The following SPSB1 variants were observed in gnomAD, a reference collection of about 807,000 sequenced individuals.
The protein encoded by SPSB1 is splA/ryanodine receptor domain and SOCS box containing 1.
Under a neutral mutation model 21.2 loss-of-function variants are expected in SPSB1, and 8 were observed. The ratio of observed to expected loss-of-function variants is 0.38; its 90% CI spans 0.22 to 0.68. The LOEUF is 0.68. Ranked by LOEUF, SPSB1 falls within the 30% of genes least tolerant of loss-of-function variation. SPSB1 has a pLI of 0.53. For missense variants in SPSB1, 242 were observed against 377.8 expected (o/e 0.64, Z 2.98); for synonymous variants, 169 against 161.7 (o/e 1.05, Z -0.34).
intron 1 of SPSB1, among the ~76,000 whole-genome samples, chr1:9,319,051 C>CG (rs1346480402): frequency 6.6e-6 from 1 of 151,994 alleles, no homozygotes; most frequent in Non-Finnish European, 1.5e-5. Flanking sequence ...GGTGGCGCAC[C>CG]CCTGTAATCC....
At chr1:9,349,531 A>G (rs1051839232) in intron 1 of SPSB1, among the ~76,000 whole-genome samples, 16 of 152,244 alleles carry the variant, frequency 1.1e-4, no homozygotes, top group African/African-American at 3.9e-4. Context: ...GTCAGATTTG[A>G]CAGCTGATCT....
intron 1 of SPSB1, among the ~76,000 whole-genome samples, chr1:9,320,077 C>T (rs1389258534): frequency 3.3e-5 from 5 of 152,154 alleles, no homozygotes; most frequent in Admixed American, 6.5e-5. Flanking sequence ...GACTCACCTG[C>T]TCAGGGCAGG....
intron 1 of SPSB1, among the ~76,000 whole-genome samples, chr1:9,325,225 A>ACCCC (rs33978312): frequency 5.2e-5 from 7 of 133,780 alleles, no homozygotes; most frequent in South Asian, 2.3e-4. Context: ...TCCCACCACC[A>ACCCC]CCCCCCCCCC....
chr1:9,319,671 G>A (rs1232054302), intron 1 of SPSB1, among the ~76,000 whole-genome samples: 1 of 152,228 alleles, frequency 6.6e-6, no homozygotes, highest in Non-Finnish European at 1.5e-5. Context: ...TGCTGCGGGA[G>A]GCCAAGCCTG....
chr1:9,353,197 G>A (rs551168728), intron 1 of SPSB1, among the ~76,000 whole-genome samples: 5 of 151,424 alleles, frequency 3.3e-5, no homozygotes, highest in African/African-American at 4.9e-5. Flanking sequence ...CAGCCCGCCC[G>A]GCCCCTCGAG....
At chr1:9,316,614 T>C (rs1250202022) in intron 1 of SPSB1, among the ~76,000 whole-genome samples, 1 of 152,108 alleles carries the variant, frequency 6.6e-6, no homozygotes, top group Non-Finnish European at 1.5e-5. Flanking sequence ...CTGGGAGCGT[T>C]TTGCTACCTT....
At chr1:9,366,145 A>T (rs1405037449) in intron 2 of SPSB1, among the ~76,000 whole-genome samples, 1 of 152,250 alleles carries the variant, frequency 6.6e-6, no homozygotes, top group Non-Finnish European at 1.5e-5. Flanking sequence ...GGGAGGCTGC[A>T]GCTGGAAGCG....
chr1:9,366,996 C>T (rs558576369), intron 2 of SPSB1, among the ~76,000 whole-genome samples: 53 of 152,330 alleles, frequency 3.5e-4, no homozygotes, highest in African/African-American at 1.2e-3. Context: ...CCATGTGTTC[C>T]GACCGACAGG....
chr1:9,307,200 T>A (rs1406326609), intron 1 of SPSB1, among the ~76,000 whole-genome samples: 1 of 152,228 alleles, frequency 6.6e-6, no homozygotes, highest in African/African-American at 2.4e-5. Flanking sequence ...AGTGCTGGGA[T>A]TACAGGCATG....
In SPSB1 at chr1:9,293,124, G is replaced by A. The variant is rs867574092; in HGVS notation, c.-150+53G>A. On this transcript the variant is annotated intron_variant, in intron 1 of 2. Coordinates refer to ENST00000328089, the MANE Select transcript of SPSB1 (RefSeq NM_025106.4). This position sits in a 1 kb window ranked among gnomAD's most constrained non-coding sequence, Gnocchi z 5.1. ...CGATGGGTGGGCGACCGGCCCGGGA[G>A]GGGGAGGCGCGGGGGGCCGGGCGAG... 3 of 977,946 alleles carry A rather than the reference G, an allele frequency of 3.1e-6. No homozygotes were observed. The highest frequency in any genetic ancestry group is 3.5e-5 in the African/African-American group (2 of 56,750). The allele number at this position is 977,946 out of a possible 1,614,324, so 60.6% of individuals were successfully genotyped here.
chr1:9,324,523 G>A lies in SPSB1; in HGVS notation c.-149-31220G>A, dbSNP rs1639780776. On this transcript the variant is annotated intron_variant, in intron 1 of 2. Transcript: ENST00000328089. The surrounding 1 kb of genome is among the most constrained non-coding windows in gnomAD (Gnocchi z 4.3). ...CGGAGGGCTGTGGGCCCGGGACTCG[G>A]TGTGTCCGATGAGGAAACCAGCTTG... is the stretch of plus-strand genomic sequence containing the variant. 6.6e-6 allele frequency among the ~76,000 whole-genome samples: 1 copy of A among 152,196 alleles called. No individual in the cohort carries two copies. Among genetic ancestry groups the A allele is most frequent in the Admixed American group, 6.5e-5 (1 of 15,290 alleles).
At chr1:9,331,104 C>T (rs988564391) in intron 1 of SPSB1, among the ~76,000 whole-genome samples, 3 of 152,106 alleles carry the variant, frequency 2.0e-5, no homozygotes, top group Non-Finnish European at 2.9e-5. Context: ...GTGCTCTCCC[C>T]GCTGAATGCT....
chr1:9,318,163 C>CA (rs1553125031), intron 1 of SPSB1, among the ~76,000 whole-genome samples: 6 of 152,226 alleles, frequency 3.9e-5, no homozygotes, highest in Non-Finnish European at 1.5e-5. Flanking sequence ...TCTGGGCTGA[C>CA]AGCAGGCAGT....
intron 1 of SPSB1, among the ~76,000 whole-genome samples, chr1:9,301,575 G>A (rs183157092): frequency 2.6e-4 from 39 of 152,232 alleles, no homozygotes; most frequent in Admixed American, 2.6e-3. Flanking sequence ...TAGACCTCCC[G>A]AGTGCGCACA....
chr1:9,362,970 C>T (rs1640504892), intron 2 of SPSB1, among the ~76,000 whole-genome samples: 1 of 152,208 alleles, frequency 6.6e-6, no homozygotes, highest in Non-Finnish European at 1.5e-5. Context: ...GGTGCCCACC[C>T]CCTCGGTAGA....
intron 1 of SPSB1, among the ~76,000 whole-genome samples, chr1:9,301,861 T>G (rs772577520): frequency 1.3e-5 from 2 of 152,224 alleles, no homozygotes; most frequent in Non-Finnish European, 2.9e-5. Flanking sequence ...GAAGGCACAT[T>G]GGACCACTTC....
intron 1 of SPSB1, among the ~76,000 whole-genome samples, chr1:9,341,641 T>C (rs1323936547): frequency 6.6e-6 from 1 of 152,184 alleles, no homozygotes; most frequent in East Asian, 1.9e-4. Context: ...GGAGAGATGT[T>C]TTCTAGCAGT....
At chr1:9,364,414 C>G (rs1640525045) in intron 2 of SPSB1, among the ~76,000 whole-genome samples, 1 of 152,234 alleles carries the variant, frequency 6.6e-6, no homozygotes, top group African/African-American at 2.4e-5. Context: ...GGTCTGGATT[C>G]CGTGTCTTAC....
At chr1:9,301,528 T>C (rs1179756993) in intron 1 of SPSB1, among the ~76,000 whole-genome samples, 2 of 148,870 alleles carry the variant, frequency 1.3e-5, no homozygotes, top group African/African-American at 5.2e-5. Context: ...TGGGGGAAGA[T>C]GTATGTGGAT....
Sources: gnomAD v4.1 joint callset for allele counts (sites outside exome capture counted in the v4.1 genomes callset) on GRCh38, gnomAD v4.1.1 for gene constraint, Gnocchi (gnomAD v3.1) non-coding constraint, MANE v1.5 for transcripts, NCBI Gene and HGNC (gene_info 2026-07-23, HGNC 2026-07-21) for gene names.